EPB41: variants seen among roughly 807,000 people sequenced by gnomAD.
EPB41 encodes protein 4.1.
Under a neutral mutation model 108.0 loss-of-function variants are expected in EPB41, and 65 were observed. That is an observed-to-expected ratio of 0.60 (90% CI 0.49 to 0.74). EPB41 has a LOEUF of 0.74. EPB41 is among the 30% of genes least tolerant of loss of function. The pLI is 0.00. For synonymous variants in EPB41, 336 were observed against 358.9 expected (o/e 0.94, Z 0.72); for missense variants, 875 against 1,037.0 (o/e 0.84, Z 2.15).
At chr1:28,983,731 C>T (rs1352659808) in intron 1 of EPB41, among the ~76,000 whole-genome samples, 1 of 152,092 alleles carries the variant, frequency 6.6e-6, no homozygotes, top group Admixed American at 6.6e-5. Context: ...GTATCTGCAT[C>T]CCTCCAAGCC....
At chr1:28,953,298 G>C (rs1057476556) in intron 1 of EPB41, among the ~76,000 whole-genome samples, 3 of 148,472 alleles carry the variant, frequency 2.0e-5, no homozygotes, top group Non-Finnish European at 4.5e-5. Context: ...AGTTTAATAG[G>C]TTTCTTGGTT....
chr1:29,066,950 C>T (rs1485513543), intron 16 of EPB41, among the ~76,000 whole-genome samples: 2 of 151,110 alleles, frequency 1.3e-5, no homozygotes, highest in African/African-American at 4.9e-5. Context: ...GCTGAGATTA[C>T]AGGCATGAGC....
At chr1:29,056,564 C>G in intron 12 of EPB41, among the ~76,000 whole-genome samples, 1 of 151,950 alleles carries the variant, frequency 6.6e-6, no homozygotes, top group East Asian at 1.9e-4. Context: ...CTTGCTCTGT[C>G]ACCCAGGCTG....
rs868189001 is a variant in EPB41, at chr1:29,111,059, C to T, written c.2416-1309C>T. Among the ~76,000 whole-genome samples the T allele has an allele frequency of 9.2e-5, 14 of 151,692 alleles. 1 individual carries two copies. In the Middle Eastern group the frequency reaches 0.017, roughly 184 times the overall value. On this transcript the variant is annotated intron_variant, in intron 18 of 20. Coordinates refer to ENST00000343067, the MANE Select transcript of EPB41 (RefSeq NM_001376013.1). ...GCACACGCCTATAGTCCCAGCTACT[C>T]GGGAGGCTTAGGCAGGAGAATCACT...
chr1:29,107,900 G>T (rs1476268037), intron 17 of EPB41, among the ~76,000 whole-genome samples: 1 of 148,028 alleles, frequency 6.8e-6, no homozygotes, highest in African/African-American at 2.5e-5. Flanking sequence ...GTGGTGGCGC[G>T]TGCCTATATT....
At chr1:28,896,041 C>T (rs2090628325) in intron 1 of EPB41, among the ~76,000 whole-genome samples, 1 of 152,172 alleles carries the variant, frequency 6.6e-6, no homozygotes, top group Non-Finnish European at 1.5e-5. Context: ...GTCAGACAGG[C>T]CTGACTTTGC....
intron 1 of EPB41, among the ~76,000 whole-genome samples, chr1:28,949,635 G>T (rs544921727): frequency 6.7e-6 from 1 of 149,700 alleles, no homozygotes; most frequent in Admixed American, 6.7e-5. Flanking sequence ...ATGGAGTCTC[G>T]CTCTGTCACC....
chr1:28,980,282 G>A (rs2095707243), intron 1 of EPB41, among the ~76,000 whole-genome samples: 2 of 152,110 alleles, frequency 1.3e-5, no homozygotes, highest in Admixed American at 1.3e-4. Context: ...AGGTTGCAGT[G>A]AGCTGAGATT....
upstream of EPB41, among the ~76,000 whole-genome samples, chr1:28,911,817 T>G (rs1341112481): frequency 2.0e-5 from 3 of 151,644 alleles, no homozygotes; most frequent in Non-Finnish European, 4.4e-5. Flanking sequence ...CTGAGGTGGG[T>G]GGATCACCTG....
chr1:28,949,615 T>A (rs954525328), intron 1 of EPB41, among the ~76,000 whole-genome samples: 1 of 151,960 alleles, frequency 6.6e-6, no homozygotes, highest in Non-Finnish European at 1.5e-5. Flanking sequence ...TATTTTTATT[T>A]TTTTTTTAGA....
chr1:28,959,155 T>G (rs2095090038), intron 1 of EPB41, among the ~76,000 whole-genome samples: 1 of 149,546 alleles, frequency 6.7e-6, no homozygotes, highest in South Asian at 2.1e-4. Flanking sequence ...TGGGGTGCTA[T>G]GGGAAAGGAG....
chr1:28,987,339 C>T, intron 1 of EPB41, 92 bp from the exon 2 acceptor site: 1 of 1,062,938 alleles, frequency 9.4e-7, no homozygotes, highest in Admixed American at 1.9e-5. Context: ...AATTAAATAC[C>T]TAAGTATATT....
chr1:29,024,611 G>A (rs1329717223), intron 7 of EPB41, among the ~76,000 whole-genome samples: 4 of 152,062 alleles, frequency 2.6e-5, no homozygotes, highest in East Asian at 1.9e-4. Context: ...CCAGCTGGGC[G>A]ACAGAGCGAG....
rs74931541 is a variant in EPB41 at position 29,033,213 on chromosome 1, A to G, written c.1333A>G (p.Ser445Gly). 2.3e-5 allele frequency: 37 copies of G among 1,614,008 alleles called. 1 individual carries two copies. The East Asian group carries it at 7.8e-4, about 34-fold the overall frequency. ...AGTGCTGAAGATTTCTTATAAACGT[A>G]GTAGCTTTTTCATCAAGATTCGGCC... ...PKVLKISYKR[S>G]SFFIKIRPGE... The change falls in exon 9 of 21, where the codon AGT (serine) becomes GGT (glycine). Residue 445 changes from serine (S) to glycine (G), a missense_variant. Physicochemically the swap from Ser to Gly is moderately conservative, Grantham distance 56. This residue lies in a region of EPB41 where 519 missense variants were observed against 627.3 expected (regional missense o/e 0.83). Transcript: ENST00000343067.
At chr1:28,919,525 A>G (rs1316727690) in intron 1 of EPB41, among the ~76,000 whole-genome samples, 1 of 151,520 alleles carries the variant, frequency 6.6e-6, no homozygotes, top group South Asian at 2.1e-4. Context: ...ATGCAGTGGC[A>G]TGATCTCGGC....
At chr1:29,035,390 C>T (rs1286237344) in intron 9 of EPB41, among the ~76,000 whole-genome samples, 2 of 152,120 alleles carry the variant, frequency 1.3e-5, no homozygotes, top group Non-Finnish European at 2.9e-5. Context: ...AAATCTTTAG[C>T]TCCTATTACT....
chr1:29,114,814 C>A (rs1392416761), intron 19 of EPB41, among the ~76,000 whole-genome samples: 1 of 151,788 alleles, frequency 6.6e-6, no homozygotes, highest in East Asian at 1.9e-4. Context: ...ATCTTAATAA[C>A]AATATAGTTA....
intron 1 of EPB41, among the ~76,000 whole-genome samples, chr1:28,953,424 T>A (rs148845523): frequency 5.9e-5 from 9 of 152,282 alleles, no homozygotes; most frequent in African/African-American, 2.2e-4. Context: ...ATCAGCTGAC[T>A]TGAGAAATCC....
At chr1:29,081,765 G>T (rs146693765) in intron 16 of EPB41, among the ~76,000 whole-genome samples, 26 of 151,604 alleles carry the variant, frequency 1.7e-4, no homozygotes, top group Admixed American at 1.1e-3. Flanking sequence ...AACCTGGAAG[G>T]CGGAGGTTGC....
Sources: allele counts gnomAD v4.1 joint callset (sites outside exome capture counted in the v4.1 genomes callset), GRCh38; gene constraint gnomAD v4.1.1; regional missense constraint gnomAD v4.1.1; transcripts MANE v1.5; gene names NCBI Gene and HGNC (gene_info 2026-07-23, HGNC 2026-07-21).